VIT: variants seen among roughly 807,000 people sequenced by gnomAD.
The protein encoded by VIT is vitrin.
Under a neutral mutation model 78.0 loss-of-function variants are expected in VIT, and 99 were observed. That is an observed-to-expected ratio of 1.27 (90% CI 1.08 to 1.50). The LOEUF (loss-of-function observed/expected upper bound fraction) is 1.50. VIT is among the 40% of genes most tolerant of loss of function. The pLI is 0.00. For synonymous variants in VIT, 374 were observed against 334.3 expected (o/e 1.12, Z -1.29); for missense variants, 1,126 against 875.3 (o/e 1.29, Z -3.61).
chr2:36,755,077 C>G, intron 5 of VIT, 23 bp downstream of exon 5: 1 of 1,604,156 alleles, frequency 6.2e-7, no homozygotes, highest in Non-Finnish European at 8.5e-7. Context: ...ACTGGAGAAA[C>G]GCTGCTAAAC....
chr2:36,761,640 T>G (rs1044605673), intron 6 of VIT, among the ~76,000 whole-genome samples: 4 of 151,914 alleles, frequency 2.6e-5, no homozygotes, highest in African/African-American at 9.7e-5. Context: ...CTCGGGAGGC[T>G]GAGGCAGGAG....
chr2:36,781,124 C>T (rs539597380), intron 9 of VIT, among the ~76,000 whole-genome samples: 8 of 152,262 alleles, frequency 5.3e-5, no homozygotes, highest in African/African-American at 1.4e-4. Context: ...AGCAGAATCT[C>T]GGGAAATAAG....
chr2:36,753,144 G>C (rs114982320), intron 4 of VIT, among the ~76,000 whole-genome samples: 1,581 of 152,084 alleles, frequency 0.01, 27 homozygotes, highest in African/African-American at 0.034. Flanking sequence ...CTTATACGTG[G>C]GAGCTGCTGA....
At position 36,771,033 on chromosome 2, in the gene VIT, C is replaced by T. The variant is rs543969562; in HGVS notation, c.680-2758C>T. Among the ~76,000 whole-genome samples the T allele has an allele frequency of 2.0e-5, 3 of 152,320 alleles. No individual in the cohort carries two copies. The East Asian group carries it at 5.8e-4, about 29-fold the overall frequency. On this transcript the variant is annotated intron_variant, in intron 7 of 15. Transcript: ENST00000379242. ...GCATCTTATCACAGCTCATTCCTTC[C>T]ACATACAGTTTCCCTTACCAACACT...
chr2:36,748,942 C>T (rs765530751), intron 4 of VIT, among the ~76,000 whole-genome samples: 1 of 152,208 alleles, frequency 6.6e-6, no homozygotes, highest in Admixed American at 6.5e-5. Flanking sequence ...CATCTTGACG[C>T]CCTCCCTGAA....
At chr2:36,749,499 G>A (rs1668330946) in intron 4 of VIT, among the ~76,000 whole-genome samples, 1 of 152,222 alleles carries the variant, frequency 6.6e-6, no homozygotes, top group Non-Finnish European at 1.5e-5. Context: ...AGACTAGCCT[G>A]TATGTGCCAA....
chr2:36,798,583 C>T lies in VIT; in HGVS notation c.1059-2718C>T, dbSNP rs535351690. Among the ~76,000 whole-genome samples, 13 of 152,112 alleles carry T rather than the reference C, an allele frequency of 8.5e-5. No homozygotes were observed. The East Asian group carries it at 2.3e-3, about 27-fold the overall frequency. ...CAGCCTGGCCAACATAGTGAAACCC[C>T]GTCTCTATTAAAAATACAAAAACAA... On this transcript the variant is annotated intron_variant, in intron 12 of 15. Transcript: ENST00000379242.
intron 1 of VIT, among the ~76,000 whole-genome samples, chr2:36,708,385 T>C (rs1665584229): frequency 7.9e-5 from 12 of 152,212 alleles, no homozygotes; most frequent in Admixed American, 7.8e-4. Context: ...CTCCCCGATG[T>C]AGCATTGTAG....
In VIT at chr2:36,805,462, A is replaced by C. The variant is rs1666645312; in HGVS notation, c.1187A>C (p.Lys396Thr). ...NVGRAISFVT[K>T]NFFSKANGNR... The stretch of plus-strand genomic sequence containing the variant: ...GGTCGGGCCATCTCCTTTGTGACCA[A>C]GAACTTCTTTTCCAAAGCCAATGGA... Residue 396 changes from lysine to threonine, a missense_variant, in exon 14 of 16, where the codon AAG becomes ACG. By Grantham distance (78) the Lys-to-Thr change is moderately conservative. Coordinates refer to ENST00000379242, the MANE Select transcript of VIT (RefSeq NM_053276.4). 1 of 1,612,768 alleles carries C rather than the reference A, an allele frequency of 6.2e-7. No individual in the cohort carries two copies. Among genetic ancestry groups the C allele is most frequent in the South Asian group, 1.1e-5 (1 of 90,902 alleles).
At chr2:36,771,239 G>A (rs1003229514) in intron 7 of VIT, among the ~76,000 whole-genome samples, 1 of 152,138 alleles carries the variant, frequency 6.6e-6, no homozygotes, top group Admixed American at 6.5e-5. Context: ...TTATAAAAAT[G>A]TTCGGCTTTG....
At chr2:36,754,626 G>A (rs2148548850) in intron 4 of VIT, among the ~76,000 whole-genome samples, 1 of 152,272 alleles carries the variant, frequency 6.6e-6, no homozygotes, top group East Asian at 1.9e-4. Flanking sequence ...AAGAGCTAGT[G>A]GGAATGAGAA....
intron 1 of VIT, among the ~76,000 whole-genome samples, chr2:36,701,531 G>A (rs1665057215): frequency 6.6e-6 from 1 of 152,210 alleles, no homozygotes; most frequent in African/African-American, 2.4e-5. Context: ...AAACTTCTGT[G>A]TGGACGTGTG....
chr2:36,804,710 G>A (rs1666579468), intron 13 of VIT, among the ~76,000 whole-genome samples: 2 of 152,160 alleles, frequency 1.3e-5, no homozygotes, highest in East Asian at 1.9e-4. Context: ...CGTGCCTGTA[G>A]TCCCAGCTAC....
chr2:36,740,903 C>T (rs908575700), intron 3 of VIT, among the ~76,000 whole-genome samples: 2 of 152,208 alleles, frequency 1.3e-5, no homozygotes, highest in Non-Finnish European at 2.9e-5. Context: ...TTGTCTAATA[C>T]TCATGAAATA....
At chr2:36,812,952 C>T (rs1384931551) in intron 15 of VIT, among the ~76,000 whole-genome samples, 1 of 143,880 alleles carries the variant, frequency 7.0e-6, no homozygotes, top group Non-Finnish European at 1.5e-5. Context: ...CCTTATGCCT[C>T]TGAGGTTCAA....
chr2:36,801,249 C>T (rs1413220189), intron 12 of VIT, 52 bp from the exon 13 acceptor site: 2 of 1,480,754 alleles, frequency 1.4e-6, no homozygotes. Flanking sequence ...CTGCCTTCCT[C>T]CAAAGGTATT....
intron 14 of VIT, among the ~76,000 whole-genome samples, chr2:36,807,528 T>C (rs1189937620): frequency 6.6e-6 from 1 of 152,338 alleles, no homozygotes; most frequent in East Asian, 1.9e-4. Flanking sequence ...TTTTTACAAA[T>C]CAATTTTTGA....
chr2:36,764,735 C>T (rs1011679643), intron 6 of VIT, among the ~76,000 whole-genome samples: 1 of 152,128 alleles, frequency 6.6e-6, no homozygotes, highest in African/African-American at 2.4e-5. Context: ...TGCTGTGATT[C>T]CTGCAAAAGA....
At position 36,805,638 on chromosome 2, in the gene VIT, G is replaced by A. The variant is rs776019325; in HGVS notation, c.1363G>A (p.Val455Met). 2 of 1,614,076 alleles carry A rather than the reference G, an allele frequency of 1.2e-6. No homozygotes were observed. The highest frequency in any genetic ancestry group is 1.7e-6 in the Non-Finnish European group (2 of 1,179,956). ...EGAAENEKQY[V>M]VEPNFANKAV... is the part of the protein sequence containing the mutation. Reference sequence around the variant, plus strand: ...TGCTGCTGAAAATGAGAAGCAGTATGTGGTGGAGCCCAACTTTGCAAACAA... The same window carrying A: ...TGCTGCTGAAAATGAGAAGCAGTATATGGTGGAGCCCAACTTTGCAAACAA... Residue 455 changes from valine (V) to methionine (M), a missense_variant, in exon 14 of 16, where the codon GTG becomes ATG. Physicochemically the swap from Val to Met is conservative, Grantham distance 21. Transcript: ENST00000379242.
Sources: gnomAD v4.1 joint callset for allele counts (sites outside exome capture counted in the v4.1 genomes callset) on GRCh38, gnomAD v4.1.1 for gene constraint, MANE v1.5 for transcripts, NCBI Gene and HGNC (gene_info 2026-07-23, HGNC 2026-07-21) for gene names.